CHAT: variants seen among roughly 807,000 people sequenced by gnomAD.
CHAT encodes choline O-acetyltransferase, also known as acetyl CoA:choline O-acetyltransferase.
A neutral mutation model predicts 76.9 loss-of-function variants in CHAT; 61 were observed. The observed-to-expected ratio is 0.79, with a 90% CI of 0.65 to 0.98. The LOEUF is 0.98. Ranked by LOEUF, CHAT falls within the 50% of genes least tolerant of loss-of-function variation. The probability of loss-of-function intolerance (pLI) is 0.00; values close to 1 mark genes in which losing one functional copy is unlikely to be tolerated. For missense variants in CHAT, 946 were observed against 986.9 expected (o/e 0.96, Z 0.56); for synonymous variants, 407 against 397.4 (o/e 1.02, Z -0.29).
intron 13 of CHAT, among the ~76,000 whole-genome samples, chr10:49,656,103 A>G (rs903270976): frequency 6.6e-6 from 1 of 152,192 alleles, no homozygotes; most frequent in Admixed American, 6.5e-5. Context: ...ATAATCTATG[A>G]GAAGGAGCTG....
chr10:49,610,708 G>C (rs1302598736), upstream of CHAT: 45 of 1,463,190 alleles, frequency 3.1e-5, no homozygotes, highest in Non-Finnish European at 4.0e-5. Context: ...GGCCCTGGCG[G>C]AGGCGTCCTC....
chr10:49,611,757 G>A, upstream of CHAT: 1 of 1,603,834 alleles, frequency 6.2e-7, no homozygotes. Flanking sequence ...TGCCTCATGT[G>A]CTGGGCGTCT....
intron 2 of CHAT, among the ~76,000 whole-genome samples, chr10:49,617,725 A>G (rs1328087303): frequency 1.3e-5 from 2 of 151,984 alleles, no homozygotes; most frequent in African/African-American, 4.8e-5. Context: ...TCACCCACCC[A>G]TCACACAGAC....
rs765296151 is a variant in CHAT, at chr10:49,646,491, T to C, written c.1112-14T>C. ...GCGGGACAGGTGCTAGGGCTGTGCC[T>C]GCCTCCCCTGCAGACTCCACCAACC... On this transcript the variant is annotated splice_polypyrimidine_tract_variant and intron_variant, in intron 7 of 14. Transcript: ENST00000337653. 6.2e-7 allele frequency: 1 copy of C among 1,614,056 alleles called. No individual in the cohort carries two copies. Among genetic ancestry groups the C allele is most frequent in the Non-Finnish European group, 8.5e-7 (1 of 1,180,004 alleles).
At position 49,646,659 on chromosome 10, in the gene CHAT, C is replaced by T. The variant is rs201381950; in HGVS notation, c.1266C>T (p.Tyr422=). The T allele has an allele frequency of 6.9e-5, 112 of 1,613,674 alleles. No individual in the cohort carries two copies. The highest frequency in any genetic ancestry group is 1.7e-4 in the Middle Eastern group (1 of 5,772). The change falls in exon 8 of 15, where the codon TAC becomes TAT. Residue 422 remains tyrosine, a synonymous_variant. Transcript: ENST00000337653. The stretch of plus-strand genomic sequence containing the variant: ...GCAAGAACGGGGCCAATCGCTGGTA[C>T]GACAAGTCCCTGCAGGTAAGCCGTC... ...GYSKNGANRW[Y]DKSLQFVVGR...
chr10:49,610,281 A>G (rs993135601), upstream of CHAT: 10 of 153,458 alleles, frequency 6.5e-5, no homozygotes, highest in East Asian at 1.5e-3. Context: ...AGTGGAAGGG[A>G]AAAAAAAAGA....
At chr10:49,663,221 C>A (rs548745628) in intron 14 of CHAT, among the ~76,000 whole-genome samples, 74 of 152,032 alleles carry the variant, frequency 4.9e-4, no homozygotes, top group Non-Finnish European at 8.4e-4. Context: ...CAGAGTGAGA[C>A]CCTGTCTCAA....
At chr10:49,647,989 T>C (rs929420822) in intron 8 of CHAT, 2 of 193,128 alleles carry the variant, frequency 1.0e-5, no homozygotes, top group African/African-American at 2.4e-5. Flanking sequence ...GGAGAACTGG[T>C]CTCAGGATAG....
chr10:49,644,391 A>G (rs1564486654), intron 7 of CHAT, among the ~76,000 whole-genome samples: 1 of 152,148 alleles, frequency 6.6e-6, no homozygotes, highest in Non-Finnish European at 1.5e-5. Context: ...TAAGAGGGTA[A>G]TGTGGTGACT....
intron 13 of CHAT, 71 bp from the exon 14 acceptor site, chr10:49,662,574 T>C (rs1478317130): frequency 1.3e-6 from 2 of 1,595,408 alleles, no homozygotes; most frequent in African/African-American, 2.7e-5. Flanking sequence ...TCCTGTAGAC[T>C]ACAGAGCAGG....
intron 13 of CHAT, among the ~76,000 whole-genome samples, chr10:49,659,810 C>A (rs112441279): frequency 6.6e-6 from 1 of 151,812 alleles, no homozygotes; most frequent in Non-Finnish European, 1.5e-5. Flanking sequence ...TGCAGTCAGC[C>A]GAGATCACGC....
At chr10:49,634,140 G>A (rs1460070445) in intron 7 of CHAT, among the ~76,000 whole-genome samples, 2 of 152,212 alleles carry the variant, frequency 1.3e-5, no homozygotes, top group Non-Finnish European at 2.9e-5. Context: ...CCCTCCTTCA[G>A]TAGGAGAATG....
At chr10:49,616,271 T>C (rs1241017228) in intron 1 of CHAT, among the ~76,000 whole-genome samples, 1 of 152,090 alleles carries the variant, frequency 6.6e-6, no homozygotes, top group Non-Finnish European at 1.5e-5. Context: ...GAGCAGACCC[T>C]CACTTTAGGA....
At chr10:49,662,159 A>T (rs1358225015) in intron 13 of CHAT, among the ~76,000 whole-genome samples, 1 of 152,198 alleles carries the variant, frequency 6.6e-6, no homozygotes, top group African/African-American at 2.4e-5. Context: ...TGGAGGAGAC[A>T]GCGCTGGTTG....
At chr10:49,627,562 C>T (rs376824094) in intron 6 of CHAT, 46 bp from the exon 7 acceptor site, 7 of 1,601,910 alleles carry the variant, frequency 4.4e-6, no homozygotes, top group Admixed American at 1.7e-5. Flanking sequence ...GGCCTGGTGC[C>T]ACGGGCCACC....
intron 10 of CHAT, among the ~76,000 whole-genome samples, chr10:49,650,062 G>A (rs1178775448): frequency 6.6e-6 from 1 of 152,086 alleles, no homozygotes; most frequent in Non-Finnish European, 1.5e-5. Context: ...GGAGGGGGCC[G>A]TTCAGGCCCT....
chr10:49,628,967 A>C (rs1364758998), intron 7 of CHAT, among the ~76,000 whole-genome samples: 1 of 152,270 alleles, frequency 6.6e-6, no homozygotes, highest in Non-Finnish European at 1.5e-5. Flanking sequence ...GTCTTCCCCC[A>C]GATCCAGCTG....
At chr10:49,647,722 G>A (rs1221668108) in intron 8 of CHAT, among the ~76,000 whole-genome samples, 2 of 152,070 alleles carry the variant, frequency 1.3e-5, no homozygotes, top group African/African-American at 4.8e-5. Context: ...CTTGGTAGCA[G>A]TTTTCAAAAG....
intron 14 of CHAT, among the ~76,000 whole-genome samples, chr10:49,663,295 T>G (rs1276428988): frequency 6.6e-6 from 1 of 152,174 alleles, no homozygotes; most frequent in Non-Finnish European, 1.5e-5. Context: ...CAGACCCTAC[T>G]TAGCCGAGGT....
Sources: allele counts gnomAD v4.1 joint callset (sites outside exome capture counted in the v4.1 genomes callset), GRCh38; gene constraint gnomAD v4.1.1; transcripts MANE v1.5; gene names NCBI Gene and HGNC (gene_info 2026-07-23, HGNC 2026-07-21).